KSR2: variants seen among roughly 807,000 people sequenced by gnomAD.
KSR2 encodes kinase suppressor of ras 2.
A neutral mutation model predicts 107.8 loss-of-function variants in KSR2; 25 were observed. The observed-to-expected ratio is 0.23, with a 90% CI of 0.17 to 0.32. The LOEUF (loss-of-function observed/expected upper bound fraction) is 0.32, where lower values mean the gene tolerates loss of function less well. Among genes scored for constraint, KSR2 ranks in the 10% least tolerant of loss-of-function variants. KSR2 has a pLI of 1.00. For missense variants in KSR2, 887 were observed against 1,268.9 expected (o/e 0.70, Z 4.57); for synonymous variants, 480 against 507.0 (o/e 0.95, Z 0.71).
Position 117,539,768 on chromosome 12 carries a change from T to G in KSR2, c.1638A>C (p.Leu546=). Residue 546 remains leucine (L), a synonymous_variant, in exon 10 of 20, where the codon CTA becomes CTC. Coordinates refer to ENST00000339824, the MANE Select transcript of KSR2 (RefSeq NM_173598.6). ...GCCGTGTGCACTGTGGGGAAGGGTG[T>G]AGGGGAGAAGGCGGCGTGGCACTAG... ...LPPSATPPSP[L]HPSPQCTRQQ... is the part of the protein sequence containing the mutation. 6.2e-7 allele frequency: 1 copy of G among 1,607,444 alleles called. No homozygotes were observed. The highest frequency in any genetic ancestry group is 2.2e-5 in the East Asian group (1 of 44,500).
intron 1 of KSR2, among the ~76,000 whole-genome samples, chr12:117,921,998 G>A (rs1349405268): frequency 6.6e-6 from 1 of 152,124 alleles, no homozygotes; most frequent in African/African-American, 2.4e-5. Flanking sequence ...ACTTTTATTT[G>A]CCTAGAATTT....
chr12:117,772,399 CAA>C lies in KSR2; in HGVS notation c.473-10877_473-10876del, dbSNP rs1218856204. Among the ~76,000 whole-genome samples the C allele has an allele frequency of 1.4e-4, 16 of 114,638 alleles. 1 individual carries two copies. Among genetic ancestry groups the C allele is most frequent in the African/African-American group, 5.6e-4 (11 of 19,766 alleles). 75.2% of individuals were successfully genotyped at this position (114,638 alleles called of 152,430 possible). ...TACACACCATTCCACCAAAGACGCA[CAA>C]ACACACACTCATACACACACACCAT... On this transcript the variant is annotated intron_variant, in intron 3 of 19. Transcript: ENST00000339824.
At position 117,601,637 on chromosome 12, in the gene KSR2, C is replaced by T. The variant is rs76985327; in HGVS notation, c.1172-19278G>A. Among the ~76,000 whole-genome samples, 825 of 152,264 alleles carry T rather than the reference C, an allele frequency of 5.4e-3. 5 individuals are homozygous for T. The highest frequency in any genetic ancestry group is 0.018 in the African/African-American group (763 of 41,536). Reference sequence around the variant, plus strand: ...AGCTGGGAGAGGCAAGGAAGGACCCCCCCCTAGAGCCTTCGGAGAGAGCAT... The same window carrying T: ...AGCTGGGAGAGGCAAGGAAGGACCCTCCCCTAGAGCCTTCGGAGAGAGCAT... On this transcript the variant is annotated intron_variant, in intron 5 of 19. Transcript: ENST00000339824.
chr12:117,716,955 C>T (rs1887008975), intron 4 of KSR2, among the ~76,000 whole-genome samples: 1 of 152,232 alleles, frequency 6.6e-6, no homozygotes, highest in Non-Finnish European at 1.5e-5. Context: ...TATGACCCAA[C>T]TTCCTCCAGC....
At chr12:117,717,671 G>A (rs1483337415) in intron 4 of KSR2, among the ~76,000 whole-genome samples, 594 of 7,266 alleles carry the variant, frequency 0.082, 2 homozygotes, top group African/African-American at 0.2. Context: ...AGACAGGTGT[G>A]TGTGTGTGTG....
chr12:117,940,273 G>A (rs1165237102), intron 1 of KSR2, among the ~76,000 whole-genome samples: 2 of 152,122 alleles, frequency 1.3e-5, no homozygotes, highest in Non-Finnish European at 2.9e-5. Context: ...TCAGTGACAA[G>A]ACAAGGTTGA....
At chr12:117,902,814 T>C (rs1894728652) in intron 1 of KSR2, among the ~76,000 whole-genome samples, 1 of 152,250 alleles carries the variant, frequency 6.6e-6, no homozygotes, top group Non-Finnish European at 1.5e-5. Flanking sequence ...ATTTTATTTA[T>C]GAATTCACCG....
intron 4 of KSR2, among the ~76,000 whole-genome samples, chr12:117,726,466 T>C (rs1174391110): frequency 6.6e-6 from 1 of 152,182 alleles, no homozygotes; most frequent in Non-Finnish European, 1.5e-5. Flanking sequence ...TCCAGCTGGA[T>C]AACCCATTAC....
chr12:117,688,242 T>C (rs1885661763), intron 4 of KSR2, among the ~76,000 whole-genome samples: 1 of 152,048 alleles, frequency 6.6e-6, no homozygotes, highest in Non-Finnish European at 1.5e-5. Context: ...TGGCCAGGAA[T>C]GGTGGTGGGT....
At chr12:117,943,059 C>T (rs1282724481) in intron 1 of KSR2, among the ~76,000 whole-genome samples, 2 of 152,112 alleles carry the variant, frequency 1.3e-5, no homozygotes, top group South Asian at 4.2e-4. Context: ...AAAATACATA[C>T]CATACAGTTA....
rs546191264 is a variant in KSR2 at position 117,637,707 on chromosome 12, A to T, written c.1171+29767T>A. Among the ~76,000 whole-genome samples, 17 of 58,488 alleles carry T rather than the reference A, an allele frequency of 2.9e-4. No individual in the cohort carries two copies. The South Asian group carries it at 0.01, about 35-fold the overall frequency. The allele number at this position is 58,488 out of a possible 152,430, so 38.4% of individuals were successfully genotyped here. A position where few individuals can be genotyped will look rare whatever the true frequency, so the allele number is the denominator to read the frequency against. ...TTTTTTTTTTTTTTTTTTGAGACAG[A>T]GTCTCGCTCTGTTGCCCAGGCTGGA... On this transcript the variant is annotated intron_variant, in intron 5 of 19. Coordinates refer to ENST00000339824, the MANE Select transcript of KSR2 (RefSeq NM_173598.6).
chr12:117,613,731 C>G (rs1172850542), intron 5 of KSR2, among the ~76,000 whole-genome samples: 1 of 152,212 alleles, frequency 6.6e-6, no homozygotes, highest in Non-Finnish European at 1.5e-5. Context: ...CTCTGCACAG[C>G]CTATCCTAAG....
chr12:117,786,594 T>A (rs1299938549), intron 3 of KSR2, among the ~76,000 whole-genome samples: 1 of 152,138 alleles, frequency 6.6e-6, no homozygotes, highest in Non-Finnish European at 1.5e-5. Flanking sequence ...GGCAGGCAGA[T>A]CCCCTGAGCT....
At chr12:117,932,204 T>C (rs1325537512) in intron 1 of KSR2, among the ~76,000 whole-genome samples, 1 of 151,990 alleles carries the variant, frequency 6.6e-6, no homozygotes, top group African/African-American at 2.4e-5. Context: ...GGAGAATCGC[T>C]TGAACCCAGG....
intron 5 of KSR2, among the ~76,000 whole-genome samples, chr12:117,658,589 T>C (rs940327828): frequency 6.6e-6 from 1 of 152,198 alleles, no homozygotes; most frequent in South Asian, 2.1e-4. Flanking sequence ...ATTTACTATC[T>C]GGCCTTTTAC....
chr12:117,818,413 T>C (rs1891451643), intron 3 of KSR2, among the ~76,000 whole-genome samples: 1 of 152,096 alleles, frequency 6.6e-6, no homozygotes, highest in Non-Finnish European at 1.5e-5. Flanking sequence ...CTCCCTCAAC[T>C]TCCTCATCTG....
chr12:117,905,270 C>T (rs755360533), intron 1 of KSR2, among the ~76,000 whole-genome samples: 3 of 152,080 alleles, frequency 2.0e-5, no homozygotes, highest in African/African-American at 4.8e-5. Context: ...TTTAAAAAAA[C>T]GTGTATTCAA....
At chr12:117,829,769 G>C (rs1355442108) in intron 3 of KSR2, among the ~76,000 whole-genome samples, 1 of 152,222 alleles carries the variant, frequency 6.6e-6, no homozygotes, top group East Asian at 1.9e-4. Flanking sequence ...TACATGATTA[G>C]ATGTGACTGT....
intron 1 of KSR2, among the ~76,000 whole-genome samples, chr12:117,924,210 A>G (rs1895435098): frequency 6.6e-6 from 1 of 151,824 alleles, no homozygotes; most frequent in African/African-American, 2.4e-5. Flanking sequence ...GTTAAAACTT[A>G]AAACTGAAAA....
Sources: gnomAD v4.1 joint callset for allele counts (sites outside exome capture counted in the v4.1 genomes callset) on GRCh38, gnomAD v4.1.1 for gene constraint, MANE v1.5 for transcripts, NCBI Gene and HGNC (gene_info 2026-07-23, HGNC 2026-07-21) for gene names.